NAA15: variants seen among roughly 807,000 people sequenced by gnomAD.
The protein encoded by NAA15 is N-terminal acetyltransferase.
A neutral mutation model predicts 114.0 loss-of-function variants in NAA15; 34 were observed. The ratio of observed to expected loss-of-function variants is 0.30; its 90% CI spans 0.23 to 0.40. The LOEUF (loss-of-function observed/expected upper bound fraction) is 0.40, where lower values mean the gene tolerates loss of function less well. Among genes scored for constraint, NAA15 ranks in the 10% least tolerant of loss-of-function variants. NAA15 has a pLI of 1.00. For missense variants in NAA15, 658 were observed against 1,004.5 expected, an observed-to-expected ratio of 0.66 and a Z score of 4.66; for synonymous variants, 340 against 338.0, an observed-to-expected ratio of 1.01 and a Z score of -0.06.
At chr4:139,350,135 A>G (rs1357203541) in intron 7 of NAA15, among the ~76,000 whole-genome samples, 2 of 152,182 alleles carry the variant, frequency 1.3e-5, no homozygotes, top group African/African-American at 2.4e-5. Context: ...TCACAAATGC[A>G]TAGTAGCATC....
intron 15 of NAA15, among the ~76,000 whole-genome samples, chr4:139,373,409 C>T (rs777313151): frequency 1.3e-5 from 2 of 152,074 alleles, no homozygotes; most frequent in Non-Finnish European, 2.9e-5. Flanking sequence ...GGACCACTTA[C>T]GCAGTTCATT....
In NAA15 at chr4:139,380,814, G is replaced by A. The variant is rs552538756; in HGVS notation, c.2155+1960G>A. ...CTGCTTCATTGCCTTTATTGAAAAC[G>A]GGTGTACTATAAAGGCATATGTGAA... On this transcript the variant is annotated intron_variant, in intron 17 of 19. Transcript: ENST00000296543. 4.6e-5 allele frequency among the ~76,000 whole-genome samples: 7 copies of A among 152,184 alleles called. No homozygotes were observed. In the South Asian group the frequency reaches 1.0e-3, roughly 23 times the overall value.
chr4:139,352,048 C>T (rs1045161499), intron 9 of NAA15, among the ~76,000 whole-genome samples: 3 of 151,810 alleles, frequency 2.0e-5, no homozygotes, highest in African/African-American at 7.3e-5. Flanking sequence ...TCTAATAAGT[C>T]AGCTTACTCT....
intron 1 of NAA15, among the ~76,000 whole-genome samples, chr4:139,304,261 A>G (rs1369474409): frequency 6.6e-6 from 1 of 152,266 alleles, no homozygotes; most frequent in Non-Finnish European, 1.5e-5. Flanking sequence ...TAATTTTGAG[A>G]AGACTGTAAT....
chr4:139,346,151 G>T (rs928140673), intron 6 of NAA15, among the ~76,000 whole-genome samples: 1 of 152,186 alleles, frequency 6.6e-6, no homozygotes, highest in East Asian at 1.9e-4. Flanking sequence ...TCATGTGGTA[G>T]ATTGATGTCA....
At chr4:139,315,721 C>A (rs1284989184) in intron 1 of NAA15, among the ~76,000 whole-genome samples, 1 of 151,670 alleles carries the variant, frequency 6.6e-6, no homozygotes, top group African/African-American at 2.4e-5. Flanking sequence ...GAATTGATCT[C>A]ATCTTTGGTT....
rs140136644 is a variant in NAA15, at chr4:139,332,380, C to T, written c.55-1794C>T. ...TTCTGACCTCGTGATCTGCCCGCCT[C>T]GGCCTCCAAAAGTGCTGGGATTACA... On this transcript the variant is annotated intron_variant, in intron 1 of 19. Coordinates refer to ENST00000296543, the MANE Select transcript of NAA15 (RefSeq NM_057175.5). Among the ~76,000 whole-genome samples the T allele has an allele frequency of 8.0e-3, 1,215 of 151,868 alleles. 12 individuals are homozygous for T. The highest frequency in any genetic ancestry group is 0.027 in the African/African-American group (1,129 of 41,392).
At chr4:139,380,565 G>A (rs1350169607) in intron 17 of NAA15, among the ~76,000 whole-genome samples, 1 of 152,072 alleles carries the variant, frequency 6.6e-6, no homozygotes, top group African/African-American at 2.4e-5. Context: ...TCAGCAGTTG[G>A]TTTCAGAAAA....
intron 3 of NAA15, among the ~76,000 whole-genome samples, chr4:139,337,192 C>G (rs1464106541): frequency 3.9e-5 from 6 of 152,170 alleles, no homozygotes; most frequent in African/African-American, 1.4e-4. Flanking sequence ...GAAAGCTTTT[C>G]TCACTCTTAA....
chr4:139,340,840 C>T, intron 3 of NAA15, 72 bp from the exon 4 acceptor site: 3 of 1,263,854 alleles, frequency 2.4e-6, no homozygotes, highest in South Asian at 2.2e-5. Flanking sequence ...TGTGGTTCTC[C>T]AAGTTTTTTG....
chr4:139,386,265 C>A, intron 19 of NAA15, 35 bp downstream of exon 19: 1 of 1,182,794 alleles, frequency 8.5e-7, no homozygotes. Flanking sequence ...TGTAAGAATA[C>A]TTAACTACTT....
chr4:139,384,136 T>C (rs1748827308), intron 17 of NAA15, among the ~76,000 whole-genome samples: 1 of 152,238 alleles, frequency 6.6e-6, no homozygotes, highest in Admixed American at 6.5e-5. Context: ...AATAAAATTA[T>C]TTGAATGCCT....
intron 2 of NAA15, among the ~76,000 whole-genome samples, chr4:139,334,941 CACTT>C (rs914857221): frequency 2.6e-5 from 4 of 152,080 alleles, no homozygotes; most frequent in African/African-American, 9.7e-5. Context: ...TTTATAATCT[CACTT>C]TCTTTCACTG....
chr4:139,308,402 C>T (rs1359598685), intron 1 of NAA15, among the ~76,000 whole-genome samples: 1 of 152,190 alleles, frequency 6.6e-6, no homozygotes, highest in Non-Finnish European at 1.5e-5. Context: ...TGTCCATATG[C>T]ACATGAAAGT....
intron 1 of NAA15, among the ~76,000 whole-genome samples, chr4:139,332,570 A>ATTTTTT (rs1747051142): frequency 3.4e-5 from 2 of 59,216 alleles, no homozygotes; most frequent in African/African-American, 1.6e-4. Context: ...TTTGGTTTGT[A>ATTTTTT]TGTTTTTTTT....
At chr4:139,355,585 A>G (rs1747924360) in intron 10 of NAA15, among the ~76,000 whole-genome samples, 1 of 152,132 alleles carries the variant, frequency 6.6e-6, no homozygotes, top group African/African-American at 2.4e-5. Flanking sequence ...TAAATAAAAT[A>G]AATTCCATTC....
At chr4:139,315,001 T>TCAGGTCAGGTCAGGTCAGG (rs1553992509) in intron 1 of NAA15, among the ~76,000 whole-genome samples, 26 of 74,354 alleles carry the variant, frequency 3.5e-4, no homozygotes, top group Non-Finnish European at 4.1e-4. Context: ...TTCAGTTCAG[T>TCAGGTCAGGTCAGGTCAGG]TTAGTTTAGG....
At position 139,301,716 on chromosome 4, in the gene NAA15, C is replaced by CGGT. The variant is rs1745754362; in HGVS notation, c.-61_-59dup. 9.9e-6 allele frequency: 15 copies of CGGT among 1,516,150 alleles called. No homozygotes were observed. The highest frequency in any genetic ancestry group is 2.0e-5 in the Admixed American group (1 of 49,568). 93.9% of individuals were successfully genotyped at this position (1,516,150 alleles called of 1,614,324 possible). ...AGCAGCTACGGAACGGCAGCGGCGG[C>CGGT]GGTCGGACAAACTGACTGACCGAGC... On this transcript the variant is annotated 5_prime_UTR_variant, in exon 1 of 20. Transcript: ENST00000296543.
intron 2 of NAA15, among the ~76,000 whole-genome samples, chr4:139,336,435 G>C (rs76125655): frequency 6.6e-6 from 1 of 152,020 alleles, no homozygotes; most frequent in Non-Finnish European, 1.5e-5. Context: ...TTAAATCACT[G>C]ATGAGTTTAA....
Sources: gnomAD v4.1 joint callset for allele counts (sites outside exome capture counted in the v4.1 genomes callset) on GRCh38, gnomAD v4.1.1 for gene constraint, MANE v1.5 for transcripts, NCBI Gene and HGNC (gene_info 2026-07-23, HGNC 2026-07-21) for gene names.